SPMIP7: variants seen among roughly 807,000 people sequenced by gnomAD.
The protein encoded by SPMIP7 is protein SPMIP7.
At chr7:50,146,326 T>G in the SPMIP7 span, among the ~76,000 whole-genome samples, 5 of 152,338 alleles carry the variant, frequency 3.3e-5, no homozygotes, top group East Asian at 9.7e-4. Context: ...ACTGGCCTCT[T>G]AATCCCCAGG....
the SPMIP7 span, among the ~76,000 whole-genome samples, chr7:50,122,671 A>G: frequency 6.6e-6 from 1 of 150,866 alleles, no homozygotes; most frequent in Non-Finnish European, 1.5e-5. Context: ...TACTCATCTG[A>G]CAAAGGGCTA....
chr7:50,136,171 T>A, the SPMIP7 span: 4 of 1,539,398 alleles, frequency 2.6e-6, no homozygotes, highest in Non-Finnish European at 3.5e-6. Context: ...AATTTGTAAG[T>A]TTTATCTCCT....
chr7:50,154,258 A>T, the SPMIP7 span, among the ~76,000 whole-genome samples: 3 of 152,126 alleles, frequency 2.0e-5, no homozygotes, highest in East Asian at 3.9e-4. Flanking sequence ...GAGCAGCTAT[A>T]ATCTACTCAG....
At chr7:50,101,985 GA>G in the SPMIP7 span, among the ~76,000 whole-genome samples, 1 of 152,200 alleles carries the variant, frequency 6.6e-6, no homozygotes, top group Non-Finnish European at 1.5e-5. Context: ...GAAGTCTGGG[GA>G]ACGTCATCTC....
chr7:50,096,248 A>T, the SPMIP7 span: 1 of 1,551,744 alleles, frequency 6.4e-7, no homozygotes. Context: ...TAACTATGGC[A>T]GGTTTGAAAA....
At chr7:50,140,170 T>C in the SPMIP7 span, 3 of 1,504,860 alleles carry the variant, frequency 2.0e-6, no homozygotes, top group Non-Finnish European at 2.7e-6. Flanking sequence ...GTAAATATAT[T>C]CCTCTCTATA....
At chr7:50,105,760 G>C in the SPMIP7 span, among the ~76,000 whole-genome samples, 1 of 152,082 alleles carries the variant, frequency 6.6e-6, no homozygotes, top group Non-Finnish European at 1.5e-5. Context: ...TCTGAATTTA[G>C]ACAAAATGCA....
the SPMIP7 span, among the ~76,000 whole-genome samples, chr7:50,119,880 A>T: frequency 6.6e-6 from 1 of 152,220 alleles, no homozygotes; most frequent in East Asian, 1.9e-4. Context: ...GAATACTGTT[A>T]TGCATCCTTC....
At chr7:50,112,220 G>A in the SPMIP7 span, among the ~76,000 whole-genome samples, 49 of 152,130 alleles carry the variant, frequency 3.2e-4, no homozygotes, top group African/African-American at 1.0e-3. Flanking sequence ...ATTTAAAAGT[G>A]TTAAAGAGAA....
At chr7:50,098,072 G>T in the SPMIP7 span, among the ~76,000 whole-genome samples, 127,434 of 152,176 alleles carry the variant, frequency 0.84, 53,404 homozygotes, top group East Asian at 0.92. Flanking sequence ...CTTTCAGGAT[G>T]TAACAAACCT....
chr7:50,148,241 T>A, the SPMIP7 span, among the ~76,000 whole-genome samples: 1 of 152,238 alleles, frequency 6.6e-6, no homozygotes, highest in African/African-American at 2.4e-5. Context: ...ACTGAATTCA[T>A]TCCCAAGACT....
At chr7:50,117,876 G>A in the SPMIP7 span, among the ~76,000 whole-genome samples, 2 of 152,154 alleles carry the variant, frequency 1.3e-5, no homozygotes, top group African/African-American at 4.8e-5. Context: ...GCGTGTTATA[G>A]AAACAAAGAG....
chr7:50,122,387 C>A, the SPMIP7 span, among the ~76,000 whole-genome samples: 1 of 149,342 alleles, frequency 6.7e-6, no homozygotes, highest in Non-Finnish European at 1.5e-5. Flanking sequence ...AACTGGATCC[C>A]TTCCTTACAC....
the SPMIP7 span, among the ~76,000 whole-genome samples, chr7:50,098,361 TC>T: frequency 2.6e-5 from 4 of 152,216 alleles, no homozygotes; most frequent in African/African-American, 9.6e-5. Context: ...ACTCTGCCTC[TC>T]ATTGCAGTAG....
the SPMIP7 span, among the ~76,000 whole-genome samples, chr7:50,120,627 A>G: frequency 1.3e-5 from 2 of 152,172 alleles, no homozygotes; most frequent in African/African-American, 4.8e-5. Flanking sequence ...GACATTTCTC[A>G]GGGGAAAGAA....
the SPMIP7 span, among the ~76,000 whole-genome samples, chr7:50,102,337 A>C: frequency 6.6e-6 from 1 of 152,116 alleles, no homozygotes; most frequent in Admixed American, 6.5e-5. Flanking sequence ...TAAATAAATA[A>C]AGCCAAAATC....
the SPMIP7 span, among the ~76,000 whole-genome samples, chr7:50,138,972 C>T: frequency 6.6e-6 from 1 of 151,892 alleles, no homozygotes; most frequent in Non-Finnish European, 1.5e-5. Flanking sequence ...TATGGTTTTG[C>T]CAAATGTGTA....
chr7:50,136,467 A>AC, the SPMIP7 span, among the ~76,000 whole-genome samples: 25 of 151,996 alleles, frequency 1.6e-4, no homozygotes, highest in Admixed American at 3.3e-4. Context: ...GGAGGCAGAG[A>AC]TGCAGTGAGC....
chr7:50,141,611 T>A, the SPMIP7 span: 1 of 431,782 alleles, frequency 2.3e-6, no homozygotes, highest in East Asian at 3.7e-5. Context: ...GTGACTTCAG[T>A]TTCTTCATCT....
Sources: gnomAD v4.1 joint callset for allele counts (sites outside exome capture counted in the v4.1 genomes callset) on GRCh38, gnomAD v4.1.1 for gene constraint, MANE v1.5 for transcripts, NCBI Gene and HGNC (gene_info 2026-07-23, HGNC 2026-07-21) for gene names.